Variants in COMMD1 observed in about 807,000 individuals in gnomAD.
COMMD1 encodes the protein copper metabolism domain containing 1, also known as COMM domain-containing protein 1.
Under a neutral mutation model 17.2 loss-of-function variants are expected in COMMD1, and 10 were observed. The ratio of observed to expected loss-of-function variants is 0.58; its 90% CI spans 0.36 to 0.99. The LOEUF is 0.99. Among genes scored for constraint, COMMD1 ranks in the 50% least tolerant of loss-of-function variants. The pLI is 0.01. For synonymous variants in COMMD1, 97 were observed against 91.6 expected (o/e 1.06, Z -0.34); for missense variants, 270 against 231.8 (o/e 1.17, Z -1.07).
chr2:61,926,099 T>C (rs912955262), intron 1 of COMMD1, among the ~76,000 whole-genome samples: 5 of 152,088 alleles, frequency 3.3e-5, no homozygotes, highest in Admixed American at 3.3e-4. Flanking sequence ...GCCTCCCGAG[T>C]AGCTGGGACT....
intron 1 of COMMD1, among the ~76,000 whole-genome samples, chr2:61,914,116 G>A (rs1357001087): frequency 1.3e-5 from 2 of 152,036 alleles, no homozygotes; most frequent in African/African-American, 2.4e-5. Flanking sequence ...AGCTTGCAGT[G>A]AGCGGAGATT....
intron 1 of COMMD1, among the ~76,000 whole-genome samples, chr2:61,977,954 A>G (rs1671850459): frequency 6.6e-6 from 1 of 150,704 alleles, no homozygotes; most frequent in Non-Finnish European, 1.5e-5. Context: ...GTGCTGCTGC[A>G]CTCCAGTCTG....
At chr2:61,961,179 T>A (rs1411191315) in intron 1 of COMMD1, among the ~76,000 whole-genome samples, 1 of 152,200 alleles carries the variant, frequency 6.6e-6, no homozygotes, top group African/African-American at 2.4e-5. Context: ...GAGCTTTACT[T>A]TCTGCAGAAA....
At chr2:61,998,359 A>G (rs1048842918) in intron 1 of COMMD1, among the ~76,000 whole-genome samples, 5 of 149,570 alleles carry the variant, frequency 3.3e-5, no homozygotes, top group African/African-American at 1.2e-4. Flanking sequence ...TCCTGGATTC[A>G]TGCATTTCTC....
chr2:62,012,306 C>CACAT, intron 2 of COMMD1, among the ~76,000 whole-genome samples: 1 of 149,208 alleles, frequency 6.7e-6, no homozygotes, highest in East Asian at 2.0e-4. Context: ...CACACACACA[C>CACAT]ACACGTGACC....
intron 1 of COMMD1, among the ~76,000 whole-genome samples, chr2:61,954,917 C>T (rs1168533689): frequency 3.9e-5 from 6 of 152,180 alleles, no homozygotes; most frequent in African/African-American, 7.2e-5. Context: ...TCAAGCGATC[C>T]ACCCGCCTCG....
At chr2:61,971,361 A>G (rs1671647041) in intron 1 of COMMD1, among the ~76,000 whole-genome samples, 1 of 152,164 alleles carries the variant, frequency 6.6e-6, no homozygotes, top group Non-Finnish European at 1.5e-5. Context: ...TTGATTTTTT[A>G]AGATAAGATG....
At chr2:62,126,442 T>C (rs1672890049) in intron 2 of COMMD1, among the ~76,000 whole-genome samples, 1 of 152,214 alleles carries the variant, frequency 6.6e-6, no homozygotes, top group East Asian at 1.9e-4. Context: ...CTGTTGTTTC[T>C]TGACTTCTTA....
At chr2:61,923,356 T>C (rs1670244353) in intron 1 of COMMD1, among the ~76,000 whole-genome samples, 1 of 152,146 alleles carries the variant, frequency 6.6e-6, no homozygotes, top group Non-Finnish European at 1.5e-5. Flanking sequence ...TGCAAAGTAT[T>C]GTGCTAAGTA....
intron 2 of COMMD1, among the ~76,000 whole-genome samples, chr2:62,005,289 T>C (rs984709963): frequency 6.6e-5 from 10 of 152,222 alleles, no homozygotes; most frequent in Admixed American, 2.0e-4. Flanking sequence ...GCATATTGCT[T>C]GTACTTGATG....
intron 2 of COMMD1, among the ~76,000 whole-genome samples, chr2:62,096,152 A>T (rs1672003613): frequency 6.6e-6 from 1 of 152,122 alleles, no homozygotes; most frequent in South Asian, 2.1e-4. Context: ...AAAGCTATGT[A>T]AGTATTTTGC....
chr2:62,042,596 G>GT (rs1235565749), intron 2 of COMMD1, among the ~76,000 whole-genome samples: 1 of 152,106 alleles, frequency 6.6e-6, no homozygotes, highest in African/African-American at 2.4e-5. Flanking sequence ...GCTCCCGCCC[G>GT]TGCCTCTCCC....
chr2:61,959,056 G>C (rs1468035323), intron 1 of COMMD1, among the ~76,000 whole-genome samples: 1 of 152,106 alleles, frequency 6.6e-6, no homozygotes. Context: ...ACTGCTCTTA[G>C]TTAGCATTGT....
At chr2:62,055,795 C>G (rs1446301261) in intron 2 of COMMD1, among the ~76,000 whole-genome samples, 2 of 152,194 alleles carry the variant, frequency 1.3e-5, no homozygotes, top group Non-Finnish European at 2.9e-5. Context: ...GTGTTCCTCT[C>G]AGCTAGCACC....
At chr2:62,063,062 C>A (rs1670914552) in intron 2 of COMMD1, among the ~76,000 whole-genome samples, 1 of 151,638 alleles carries the variant, frequency 6.6e-6, no homozygotes, top group African/African-American at 2.4e-5. Context: ...ACTAAAAATA[C>A]AAAAATTAGC....
chr2:62,034,027 T>A (rs1573095842), intron 2 of COMMD1, among the ~76,000 whole-genome samples: 1 of 135,110 alleles, frequency 7.4e-6, no homozygotes, highest in Admixed American at 8.9e-5. Context: ...GTAGGATCGC[T>A]GGAGCCTAGG....
At chr2:62,058,591 T>C (rs1321442093) in intron 2 of COMMD1, among the ~76,000 whole-genome samples, 1 of 151,954 alleles carries the variant, frequency 6.6e-6, no homozygotes, top group African/African-American at 2.4e-5. Flanking sequence ...CTGGGCAACA[T>C]AGCCAGGCAT....
chr2:61,890,359 A>G (rs1215776668), intron 1 of COMMD1, among the ~76,000 whole-genome samples: 1 of 152,012 alleles, frequency 6.6e-6, no homozygotes, highest in Non-Finnish European at 1.5e-5. Context: ...AGCTGGGATT[A>G]CGGGCATGCA....
At chr2:61,996,712 G>A (rs898412994) in intron 1 of COMMD1, among the ~76,000 whole-genome samples, 2 of 152,126 alleles carry the variant, frequency 1.3e-5, no homozygotes, top group African/African-American at 4.8e-5. Flanking sequence ...TCCTCCATAA[G>A]GAGTAACTTC....
Sources: gnomAD v4.1 joint callset for allele counts (sites outside exome capture counted in the v4.1 genomes callset) on GRCh38, gnomAD v4.1.1 for gene constraint, MANE v1.5 for transcripts, NCBI Gene and HGNC (gene_info 2026-07-23, HGNC 2026-07-21) for gene names.